Variants in HACL2 observed in about 807,000 individuals in gnomAD.
HACL2 encodes the protein 2-hydroxyacyl-CoA lyase 1 like.
At chr19:15,125,238 G>A in the HACL2 span, 12 of 682,850 alleles carry the variant, frequency 1.8e-5, no homozygotes, top group Non-Finnish European at 2.4e-5. Context: ...CTAGGCTCGG[G>A]GTGAAGCCAT....
At chr19:15,119,485 C>T in the HACL2 span, 1 of 1,614,054 alleles carries the variant, frequency 6.2e-7, no homozygotes, top group Non-Finnish European at 8.5e-7. Context: ...GGCCTCTTGG[C>T]CCGGCTCAGG....
the HACL2 span, among the ~76,000 whole-genome samples, chr19:15,121,214 G>A: frequency 4.6e-5 from 7 of 151,860 alleles, no homozygotes; most frequent in South Asian, 4.2e-4. Flanking sequence ...AGCCAAGATC[G>A]CACTACTGCG....
chr19:15,123,131 G>A, the HACL2 span: 4 of 1,613,850 alleles, frequency 2.5e-6, no homozygotes, highest in Admixed American at 3.3e-5. The surrounding 1 kb of genome is among the most constrained non-coding windows in gnomAD (Gnocchi z 5.1). Context: ...GCAGAGTGCT[G>A]GCAGCCCCAC....
At chr19:15,115,359 C>A in the HACL2 span, 1 of 1,614,156 alleles carries the variant, frequency 6.2e-7, no homozygotes, top group Non-Finnish European at 8.5e-7. Flanking sequence ...AGCACCTTGA[C>A]CACCTGATCC....
At chr19:15,116,406 A>G in the HACL2 span, 1 of 1,613,836 alleles carries the variant, frequency 6.2e-7, no homozygotes. Flanking sequence ...CCCAGGCCCC[A>G]CCGAAAGGTC....
the HACL2 span, chr19:15,123,635 AAAGGGGGCAATCCCCCTGCCCCAGGT>A: frequency 1.1e-5 from 16 of 1,518,442 alleles, no homozygotes; most frequent in African/African-American, 1.4e-4. This position sits in a 1 kb window ranked among gnomAD's most constrained non-coding sequence, Gnocchi z 5.1. Flanking sequence ...GGCAGCTGGG[AAAGGGGGCAATCCCCCTGCCCCAGGT>A]AAGGGGGCAG....
At chr19:15,118,233 T>G in the HACL2 span, among the ~76,000 whole-genome samples, 7 of 152,164 alleles carry the variant, frequency 4.6e-5, no homozygotes, top group South Asian at 6.2e-4. Context: ...GCAGGTTATA[T>G]TTTCCCAGAT....
At chr19:15,116,770 C>G in the HACL2 span, 1 of 504,304 alleles carries the variant, frequency 2.0e-6, no homozygotes, top group Non-Finnish European at 3.5e-6. Flanking sequence ...AGGCAGGTGA[C>G]AAACCCAAGC....
chr19:15,120,572 G>A, the HACL2 span, among the ~76,000 whole-genome samples: 4 of 152,288 alleles, frequency 2.6e-5, no homozygotes, highest in African/African-American at 9.6e-5. Flanking sequence ...CGGTCTCCTT[G>A]CTCACTGGGC....
At chr19:15,122,217 C>T in the HACL2 span, among the ~76,000 whole-genome samples, 1 of 152,086 alleles carries the variant, frequency 6.6e-6, no homozygotes, top group East Asian at 1.9e-4. This position sits in a 1 kb window ranked among gnomAD's most constrained non-coding sequence, Gnocchi z 4.0. Context: ...GGCTCTGCCA[C>T]TTCTTAGCTG....
the HACL2 span, chr19:15,123,479 A>G: frequency 1.3e-5 from 21 of 1,614,058 alleles, no homozygotes; most frequent in Non-Finnish European, 1.8e-5. This position sits in a 1 kb window ranked among gnomAD's most constrained non-coding sequence, Gnocchi z 5.1. Context: ...CAGCGGGGAA[A>G]TGTGCCCACC....
chr19:15,125,151 A>G, the HACL2 span: 1 of 1,333,320 alleles, frequency 7.5e-7, no homozygotes, highest in South Asian at 1.5e-5. Flanking sequence ...TCGCAGCAGG[A>G]TCCAGGGCCA....
chr19:15,124,912 C>CT, the HACL2 span: 1 of 1,597,494 alleles, frequency 6.3e-7, no homozygotes, highest in East Asian at 2.3e-5. Flanking sequence ...ACCTCCCATT[C>CT]TGTGCCCCGC....
At chr19:15,118,018 G>C in the HACL2 span, 3 of 1,614,014 alleles carry the variant, frequency 1.9e-6, no homozygotes, top group Non-Finnish European at 2.5e-6. Flanking sequence ...CACAGTTCCT[G>C]GTGTGGGGGA....
chr19:15,116,025 G>A, the HACL2 span: 10 of 1,613,902 alleles, frequency 6.2e-6, no homozygotes, highest in Non-Finnish European at 8.5e-6. Flanking sequence ...GGCACAGCTT[G>A]GCCCCAAGTG....
the HACL2 span, chr19:15,115,135 G>A: frequency 1.7e-6 from 2 of 1,192,028 alleles, no homozygotes; most frequent in Non-Finnish European, 2.5e-6. Context: ...CCTCAGGGAG[G>A]TTGTGGAGTC....
chr19:15,124,649 T>C, the HACL2 span: 2 of 499,366 alleles, frequency 4.0e-6, no homozygotes. Context: ...GCTGTCCATC[T>C]GTTCTGTGAA....
chr19:15,121,899 C>CTT, the HACL2 span, among the ~76,000 whole-genome samples: 1,871 of 137,090 alleles, frequency 0.014, 39 homozygotes, highest in African/African-American at 0.048. Context: ...GGCTCTGCCA[C>CTT]TTTTTTTTTT....
chr19:15,116,252 C>T, the HACL2 span: 49 of 1,613,856 alleles, frequency 3.0e-5, no homozygotes, highest in Non-Finnish European at 3.9e-5. Context: ...TGTCAGGTAG[C>T]GTTTCCTCCA....
Sources: allele counts gnomAD v4.1 joint callset (sites outside exome capture counted in the v4.1 genomes callset), GRCh38; gene constraint gnomAD v4.1.1; non-coding constraint Gnocchi (gnomAD v3.1); transcripts MANE v1.5; gene names NCBI Gene and HGNC (gene_info 2026-07-23, HGNC 2026-07-21).